SYT14: variants seen among roughly 807,000 people sequenced by gnomAD.
SYT14 encodes the protein synaptotagmin 14, also known as synaptotagmin-14.
A neutral mutation model predicts 74.2 loss-of-function variants in SYT14; 32 were observed. The ratio of observed to expected loss-of-function variants is 0.43; its 90% CI spans 0.33 to 0.58. SYT14 has a LOEUF of 0.58. SYT14 is among the 20% of genes least tolerant of loss of function. The pLI, the probability that SYT14 is intolerant of heterozygous loss-of-function variation, is 0.05. For synonymous variants in SYT14, 298 were observed against 337.7 expected, an observed-to-expected ratio of 0.88 and a Z score of 1.29; for missense variants, 791 against 981.8, an observed-to-expected ratio of 0.81 and a Z score of 2.60.
At chr1:209,971,595 G>A (rs2079258037) in intron 2 of SYT14, among the ~76,000 whole-genome samples, 1 of 152,098 alleles carries the variant, frequency 6.6e-6, no homozygotes, top group African/African-American at 2.4e-5. Flanking sequence ...TTATCACAAA[G>A]GGATGTTGGA....
exon 10 of SYT14, chr1:210,163,613 A>T (rs749808413): frequency 2.2e-5 from 10 of 453,540 alleles, no homozygotes; most frequent in South Asian, 1.6e-4. Flanking sequence ...TAGATATTAT[A>T]TTTGGTTTGG....
intron 4 of SYT14, chr1:210,017,183 G>A: frequency 1.0e-6 from 1 of 992,278 alleles, no homozygotes. Flanking sequence ...AAATTTCTCA[G>A]CTTTCCTGTT....
intron 2 of SYT14, among the ~76,000 whole-genome samples, chr1:210,000,581 C>T (rs957319404): frequency 3.4e-5 from 5 of 148,546 alleles, no homozygotes; most frequent in Non-Finnish European, 7.4e-5. Flanking sequence ...TTATGTTCTC[C>T]TCCTACTTTC....
At chr1:210,021,744 ACTGT>A (rs751993380) in intron 5 of SYT14, among the ~76,000 whole-genome samples, 14 of 152,172 alleles carry the variant, frequency 9.2e-5, no homozygotes, top group South Asian at 4.1e-4. Flanking sequence ...AGAAGGGAAA[ACTGT>A]CTGAGATGAA....
chr1:210,017,973 A>G (rs1260867659), intron 4 of SYT14, among the ~76,000 whole-genome samples: 1 of 152,202 alleles, frequency 6.6e-6, no homozygotes, highest in African/African-American at 2.4e-5. Flanking sequence ...AAGACTTTTC[A>G]GTTCTGCTAC....
rs72649946 is a variant in SYT14 at position 210,066,832 on chromosome 1, A to G, written c.1313-27490A>G. Among the ~76,000 whole-genome samples, 2,492 of 152,108 alleles carry G rather than the reference A, an allele frequency of 0.016. 196 individuals carry two copies. In the East Asian group the frequency reaches 0.25, roughly 15 times the overall value. ...AATGAAAAGTGTTTGATGAATTTCA[A>G]TTTATCTCTTGGTCCTTTTGTTGCC... On this transcript the variant is annotated intron_variant, in intron 5 of 9. Coordinates refer to ENST00000637265, the Ensembl canonical transcript of SYT14.
At chr1:210,077,481 G>A (rs746872509) in intron 5 of SYT14, among the ~76,000 whole-genome samples, 14 of 152,212 alleles carry the variant, frequency 9.2e-5, no homozygotes, top group Middle Eastern at 3.4e-3. Flanking sequence ...TTTGTTTATC[G>A]TTCATCACTT....
chr1:210,140,111 C>T (rs1359665617), intron 7 of SYT14, among the ~76,000 whole-genome samples: 1 of 152,182 alleles, frequency 6.6e-6, no homozygotes, highest in Admixed American at 6.5e-5. Flanking sequence ...TCCACATTCT[C>T]TTCAACACTT....
At chr1:210,039,323 C>G (rs923499464) in intron 5 of SYT14, among the ~76,000 whole-genome samples, 1 of 152,052 alleles carries the variant, frequency 6.6e-6, no homozygotes, top group African/African-American at 2.4e-5. Flanking sequence ...ATAAAAGATG[C>G]CTGCCCTTAG....
exon 10 of SYT14, chr1:210,162,054 C>G (rs2083383658): frequency 2.3e-6 from 1 of 443,530 alleles, no homozygotes; most frequent in African/African-American, 2.0e-5. Flanking sequence ...AAACTGTTCT[C>G]TCTCTAAATC....
intron 7 of SYT14, among the ~76,000 whole-genome samples, chr1:210,120,803 G>A (rs915835619): frequency 5.9e-5 from 9 of 152,030 alleles, no homozygotes; most frequent in African/African-American, 9.7e-5. Context: ...TTGTTAGTCA[G>A]TTTACTTTCG....
intron 7 of SYT14, among the ~76,000 whole-genome samples, chr1:210,126,170 T>C (rs940208074): frequency 1.3e-5 from 2 of 151,398 alleles, no homozygotes; most frequent in Admixed American, 6.6e-5. Flanking sequence ...CCCAGTGCAC[T>C]CCAGCCTGGC....
At chr1:210,016,207 C>A (rs1007534557) in exon 4 of SYT14, 3 of 1,231,974 alleles carry the variant, frequency 2.4e-6, no homozygotes, top group Non-Finnish European at 3.0e-6. Context: ...AAGCTGTAGA[C>A]ACTTCTAAAC....
chr1:210,123,385 C>A (rs953475068), intron 7 of SYT14, among the ~76,000 whole-genome samples: 8 of 152,152 alleles, frequency 5.3e-5, no homozygotes, highest in Non-Finnish European at 8.8e-5. Flanking sequence ...AAAGTGCACA[C>A]AGAAGGAGAG....
intron 5 of SYT14, among the ~76,000 whole-genome samples, chr1:210,044,541 C>T (rs1001967056): frequency 6.6e-6 from 1 of 152,190 alleles, no homozygotes; most frequent in Non-Finnish European, 1.5e-5. Context: ...TAGGGTGCTT[C>T]TGCCAGGCAA....
At chr1:209,981,873 C>T (rs2079494094) in intron 2 of SYT14, among the ~76,000 whole-genome samples, 1 of 152,124 alleles carries the variant, frequency 6.6e-6, no homozygotes. Context: ...CATGATCTGA[C>T]ACCTTTTTCT....
At chr1:210,123,512 A>G (rs1289563702) in intron 7 of SYT14, among the ~76,000 whole-genome samples, 1 of 152,230 alleles carries the variant, frequency 6.6e-6, no homozygotes, top group Non-Finnish European at 1.5e-5. Flanking sequence ...TTGTATTTCC[A>G]TCCAACATGA....
intron 5 of SYT14, among the ~76,000 whole-genome samples, chr1:210,024,221 A>G (rs886180735): frequency 1.3e-5 from 2 of 152,206 alleles, no homozygotes; most frequent in African/African-American, 4.8e-5. Flanking sequence ...CTAAGGAACC[A>G]TAATCAGGGT....
At chr1:210,090,228 C>G (rs2081836786) in intron 5 of SYT14, among the ~76,000 whole-genome samples, 1 of 152,122 alleles carries the variant, frequency 6.6e-6, no homozygotes, top group Admixed American at 6.5e-5. Context: ...GTCAGCATGG[C>G]CTTAGGTTTC....
Sources: allele counts gnomAD v4.1 joint callset (sites outside exome capture counted in the v4.1 genomes callset), GRCh38; gene constraint gnomAD v4.1.1; transcripts MANE v1.5; gene names NCBI Gene and HGNC (gene_info 2026-07-23, HGNC 2026-07-21).